WDR70: variants seen among roughly 807,000 people sequenced by gnomAD.
WDR70 encodes the protein WD repeat-containing protein 70.
Under a neutral mutation model 88.6 loss-of-function variants are expected in WDR70, and 53 were observed. That is an observed-to-expected ratio of 0.60 (90% CI 0.48 to 0.75). WDR70 has a LOEUF of 0.75. Among genes scored for constraint, WDR70 ranks in the 30% least tolerant of loss-of-function variants. WDR70 has a pLI of 0.00. For synonymous variants in WDR70, 280 were observed against 270.0 expected (o/e 1.04, Z -0.36); for missense variants, 610 against 823.2 (o/e 0.74, Z 3.17).
chr5:37,394,340 G>C (rs190286367), intron 4 of WDR70, among the ~76,000 whole-genome samples: 1 of 151,640 alleles, frequency 6.6e-6, no homozygotes, highest in Non-Finnish European at 1.5e-5. Flanking sequence ...AAACTTGTGC[G>C]TTAATCATAA....
intron 9 of WDR70, among the ~76,000 whole-genome samples, chr5:37,604,503 T>C (rs1743975268): frequency 6.6e-6 from 1 of 152,236 alleles, no homozygotes; most frequent in South Asian, 2.1e-4. Flanking sequence ...GTTACACCTC[T>C]GCTCCAGGAC....
intron 10 of WDR70, among the ~76,000 whole-genome samples, chr5:37,643,975 AT>A (rs1745169368): frequency 6.6e-6 from 1 of 151,508 alleles, no homozygotes; most frequent in Non-Finnish European, 1.5e-5. Flanking sequence ...ATGTTTTTTT[AT>A]TTTTTCACTT....
At chr5:37,602,080 G>C (rs1743900195) in intron 9 of WDR70, among the ~76,000 whole-genome samples, 1 of 150,728 alleles carries the variant, frequency 6.6e-6, no homozygotes, top group Admixed American at 6.6e-5. Context: ...GGGGTGGGAG[G>C]CTAGGGGAGG....
At chr5:37,680,354 T>A (rs1346209961) in intron 10 of WDR70, among the ~76,000 whole-genome samples, 1 of 152,220 alleles carries the variant, frequency 6.6e-6, no homozygotes, top group Non-Finnish European at 1.5e-5. Flanking sequence ...AGGTTGTCTG[T>A]TTACTCTGTT....
At chr5:37,389,799 C>G (rs1257503412) in intron 3 of WDR70, among the ~76,000 whole-genome samples, 1 of 152,128 alleles carries the variant, frequency 6.6e-6, no homozygotes, top group African/African-American at 2.4e-5. Flanking sequence ...TCTTGACCCG[C>G]CTCAGCCCAG....
intron 13 of WDR70, among the ~76,000 whole-genome samples, chr5:37,707,913 C>CA (rs1747376200): frequency 5.2e-5 from 1 of 19,294 alleles, no homozygotes; most frequent in Admixed American, 1.0e-3. Flanking sequence ...GACTCTGTCT[C>CA]AAAAAAAGAA....
chr5:37,430,574 T>C (rs1010137946), intron 5 of WDR70, among the ~76,000 whole-genome samples: 2 of 152,188 alleles, frequency 1.3e-5, no homozygotes, highest in African/African-American at 4.8e-5. Context: ...TTTTTTCTTT[T>C]TTTTGATACG....
At chr5:37,464,506 A>T (rs899525621) in intron 7 of WDR70, among the ~76,000 whole-genome samples, 11 of 152,190 alleles carry the variant, frequency 7.2e-5, no homozygotes, top group African/African-American at 2.7e-4. Flanking sequence ...AGCAATGAGG[A>T]TTGGCTAGTA....
In WDR70 at chr5:37,731,043, C is replaced by T. The variant is rs570976998; in HGVS notation, c.1877+3998C>T. Among the ~76,000 whole-genome samples the T allele has an allele frequency of 1.4e-4, 22 of 152,246 alleles. No individual in the cohort carries two copies. The South Asian group carries it at 3.9e-3, about 27-fold the overall frequency. ...TCAAGCCAAGTCCCAGGGAGGGTCG[C>T]TTTGGCTTAATCCTGCAGGGTAACC... On this transcript the variant is annotated intron_variant, in intron 17 of 17. Transcript: ENST00000265107.
chr5:37,515,658 T>G (rs1206952167), intron 8 of WDR70, among the ~76,000 whole-genome samples: 2 of 152,238 alleles, frequency 1.3e-5, no homozygotes, highest in Non-Finnish European at 2.9e-5. Context: ...TTATTTTTCT[T>G]GTAAGTCACT....
intron 10 of WDR70, among the ~76,000 whole-genome samples, chr5:37,684,667 T>C (rs1746528908): frequency 6.6e-6 from 1 of 152,206 alleles, no homozygotes; most frequent in Admixed American, 6.5e-5. Flanking sequence ...TAGGAACCCA[T>C]TGTGCTGGGG....
chr5:37,514,339 C>CATATATATATATATATATATAT (rs70978826), intron 8 of WDR70, among the ~76,000 whole-genome samples: 2,014 of 28,526 alleles, frequency 0.071, 582 homozygotes, highest in Non-Finnish European at 0.18. Context: ...TTTAGAACTA[C>CATATATATATATATATATATAT]ATATATATAT....
chr5:37,666,114 G>A (rs1247048216), intron 10 of WDR70, among the ~76,000 whole-genome samples: 2 of 152,212 alleles, frequency 1.3e-5, no homozygotes, highest in South Asian at 2.1e-4. Context: ...GGGGGGCACC[G>A]CCGGGCTTTC....
intron 7 of WDR70, among the ~76,000 whole-genome samples, chr5:37,449,617 ATAAAT>A (rs1436697207): frequency 2.6e-4 from 33 of 128,490 alleles, no homozygotes; most frequent in Admixed American, 4.3e-4. Flanking sequence ...AAAATAAAAA[ATAAAT>A]AAATAAATAA....
chr5:37,384,173 C>CTTTTTTTTTTTTTTTTTTTTTTT (rs57075180), intron 3 of WDR70, among the ~76,000 whole-genome samples: 1 of 107,870 alleles, frequency 9.3e-6, no homozygotes. Context: ...ACTTTCCCCC[C>CTTTTTTTTTTTTTTTTTTTTTTT]TTTTTTTTTT....
chr5:37,497,520 T>G (rs1271535401), intron 8 of WDR70, among the ~76,000 whole-genome samples: 1 of 138,086 alleles, frequency 7.2e-6, no homozygotes, highest in Admixed American at 7.5e-5. Flanking sequence ...CCCTCTTCCC[T>G]TCCCTTCCCT....
chr5:37,694,049 A>G (rs1043114645), intron 10 of WDR70, among the ~76,000 whole-genome samples: 32 of 142,966 alleles, frequency 2.2e-4, no homozygotes, highest in Admixed American at 1.6e-3. Context: ...ATATGAACAG[A>G]CACTCCTCAA....
chr5:37,459,392 A>G (rs1738929702), intron 7 of WDR70, among the ~76,000 whole-genome samples: 1 of 151,422 alleles, frequency 6.6e-6, no homozygotes, highest in Non-Finnish European at 1.5e-5. Flanking sequence ...CCGCATATCT[A>G]CAACTATCTG....
chr5:37,641,624 C>G lies in WDR70; in HGVS notation c.1092+36386C>G, dbSNP rs377208866. On this transcript the variant is annotated intron_variant, in intron 10 of 17. Transcript: ENST00000265107. ...TAGAGATGGGGTTTCTCCATGTTGACCAGGCTGGTCTTGAACGCCTGACCT... is the reference window on the plus strand; with the variant it reads ...TAGAGATGGGGTTTCTCCATGTTGAGCAGGCTGGTCTTGAACGCCTGACCT... Among the ~76,000 whole-genome samples, 46 of 152,064 alleles carry G rather than the reference C, an allele frequency of 3.0e-4. 2 individuals carry two copies. The South Asian group carries it at 9.4e-3, about 31-fold the overall frequency.
Sources: gnomAD v4.1 joint callset for allele counts (sites outside exome capture counted in the v4.1 genomes callset) on GRCh38, gnomAD v4.1.1 for gene constraint, MANE v1.5 for transcripts, NCBI Gene and HGNC (gene_info 2026-07-23, HGNC 2026-07-21) for gene names.